CUL2: variants seen among roughly 807,000 people sequenced by gnomAD.
The protein encoded by CUL2 is cullin 2.
Under a neutral mutation model 110.2 loss-of-function variants are expected in CUL2, and 22 were observed. The ratio of observed to expected loss-of-function variants is 0.20; its 90% CI spans 0.14 to 0.28. CUL2 has a LOEUF of 0.28. CUL2 is among the 10% of genes least tolerant of loss of function. The pLI, the probability that CUL2 is intolerant of heterozygous loss-of-function variation, is 1.00. For missense variants in CUL2, 631 were observed against 905.5 expected, an observed-to-expected ratio of 0.70 and a Z score of 3.89; for synonymous variants, 279 against 293.2, an observed-to-expected ratio of 0.95 and a Z score of 0.49.
At chr10:35,100,111 C>T (rs2087357359) in intron 2 of CUL2, among the ~76,000 whole-genome samples, 1 of 151,620 alleles carries the variant, frequency 6.6e-6, no homozygotes, top group African/African-American at 2.4e-5. Context: ...CGGTCTTGTA[C>T]AGTCATTTAA....
upstream of CUL2, among the ~76,000 whole-genome samples, chr10:35,095,569 A>G (rs2135095901): frequency 6.6e-6 from 1 of 152,126 alleles, no homozygotes. Context: ...GTGTGTATAT[A>G]TATTTTTGAG....
intron 1 of CUL2, among the ~76,000 whole-genome samples, chr10:35,113,498 C>CAAAAAAAAAAAAAAA (rs59518617): frequency 3.0e-5 from 1 of 33,308 alleles, no homozygotes; most frequent in African/African-American, 1.0e-4. Flanking sequence ...GACTCTGCCT[C>CAAAAAAAAAAAAAAA]AAAAAAAAAA....
Position 35,029,612 on chromosome 10 carries a change from T to C in CUL2, c.1415A>G (p.Lys472Arg). The change falls in exon 15 of 21, where the codon AAG (lysine) becomes AGG (arginine). Residue 472 changes from lysine (K) to arginine (R), a missense_variant. Around this residue, in one of 3 missense-constraint regions of CUL2, gnomAD observed 134 missense variants for 260.4 expected, o/e 0.51. Coordinates refer to ENST00000374749, the MANE Select transcript of CUL2 (RefSeq NM_003591.4). Reference sequence around the variant, plus strand: ...CATATCTGTATACATCCGATGTAGCTTGCTGGTAAACTCATAACCACAGGC... The same window carrying C: ...CATATCTGTATACATCCGATGTAGCCTGCTGGTAAACTCATAACCACAGGC... ...KQACGYEFTSKLHRMYTDMSV... is the reference protein window; with the variant it reads ...KQACGYEFTSRLHRMYTDMSV... 2 of 1,592,012 alleles carry C rather than the reference T, an allele frequency of 1.3e-6. No homozygotes were observed. Among genetic ancestry groups the C allele is most frequent in the South Asian group, 1.2e-5 (1 of 86,126 alleles).
At chr10:35,054,938 C>T (rs554844037) in intron 4 of CUL2, among the ~76,000 whole-genome samples, 1 of 152,194 alleles carries the variant, frequency 6.6e-6, no homozygotes, top group Non-Finnish European at 1.5e-5. Context: ...TGCAATTTTT[C>T]ATTTTTAAAC....
intron 1 of CUL2, among the ~76,000 whole-genome samples, chr10:35,081,279 A>G (rs1275391344): frequency 1.3e-5 from 2 of 151,786 alleles, no homozygotes; most frequent in African/African-American, 2.4e-5. Flanking sequence ...AGAATAAAAG[A>G]CCCCTCTCTG....
chr10:35,040,197 ATAATT>A (rs1202397494), intron 8 of CUL2, among the ~76,000 whole-genome samples: 1 of 152,204 alleles, frequency 6.6e-6, no homozygotes, highest in East Asian at 1.9e-4. Context: ...GAAAGTAAAT[ATAATT>A]TAGTCATAGT....
At chr10:35,091,793 TG>T (rs2087210100), upstream of CUL2, among the ~76,000 whole-genome samples, 1 of 148,990 alleles carries the variant, frequency 6.7e-6, no homozygotes, top group Non-Finnish European at 1.5e-5. Flanking sequence ...GCTAATTTTT[TG>T]TATTTTGTAG....
chr10:35,019,747 T>A (rs1437844480), intron 17 of CUL2, among the ~76,000 whole-genome samples: 2 of 152,226 alleles, frequency 1.3e-5, no homozygotes, highest in African/African-American at 4.8e-5. Flanking sequence ...AGTATCTGTG[T>A]CAGCTCTCTA....
chr10:35,037,817 T>G (rs1423017630), intron 9 of CUL2, among the ~76,000 whole-genome samples: 1 of 152,080 alleles, frequency 6.6e-6, no homozygotes, highest in Non-Finnish European at 1.5e-5. Flanking sequence ...CATTATAGCC[T>G]GGGCCACAGA....
chr10:35,020,573 T>C (rs1259007553), intron 17 of CUL2, among the ~76,000 whole-genome samples: 1 of 152,232 alleles, frequency 6.6e-6, no homozygotes, highest in East Asian at 1.9e-4. Flanking sequence ...GCCTGATCCA[T>C]ACTATGTACT....
At chr10:35,022,214 AAAG>A (rs1228785768) in intron 17 of CUL2, among the ~76,000 whole-genome samples, 2 of 152,176 alleles carry the variant, frequency 1.3e-5, no homozygotes, top group Non-Finnish European at 2.9e-5. Flanking sequence ...TTACAACAAT[AAAG>A]AGAAGGAAAC....
intron 1 of CUL2, among the ~76,000 whole-genome samples, chr10:35,116,336 C>G (rs1371596759): frequency 6.6e-6 from 1 of 151,630 alleles, no homozygotes. Flanking sequence ...CGGAGCCAGA[C>G]TCCATCTCAA....
At chr10:35,070,703 C>G (rs552198238) in intron 2 of CUL2, among the ~76,000 whole-genome samples, 4 of 152,172 alleles carry the variant, frequency 2.6e-5, no homozygotes, top group African/African-American at 9.7e-5. Context: ...ACTCTTCCCC[C>G]CAAAATCACA....
intron 4 of CUL2, among the ~76,000 whole-genome samples, chr10:35,055,730 A>AAG (rs1337609788): frequency 6.6e-6 from 1 of 151,288 alleles, no homozygotes; most frequent in Non-Finnish European, 1.5e-5. Context: ...CATAAGTTAC[A>AAG]AGATCATACT....
chr10:35,086,121 C>T (rs575502891), intron 1 of CUL2, among the ~76,000 whole-genome samples: 1 of 152,026 alleles, frequency 6.6e-6, no homozygotes, highest in African/African-American at 2.4e-5. Context: ...GTAGTCCCAG[C>T]TCGGGAAGTG....
rs760176822 is a variant in CUL2 at position 35,044,561 on chromosome 10, C to A, written c.714+5G>T. 3 of 1,546,174 alleles carry A rather than the reference C, an allele frequency of 1.9e-6. No homozygotes were observed. Among genetic ancestry groups the A allele is most frequent in the Non-Finnish European group, 2.7e-6 (3 of 1,131,660 alleles). On this transcript the variant is annotated splice_donor_5th_base_variant and intron_variant, in intron 8 of 20. Transcript: ENST00000374749. ...TAAATGTATTCGATATGTTTTATTTCTTACCTTTTCCATATACTGTGAGCA... is the reference window on the plus strand; with the variant it reads ...TAAATGTATTCGATATGTTTTATTTATTACCTTTTCCATATACTGTGAGCA...
intron 8 of CUL2, among the ~76,000 whole-genome samples, chr10:35,043,958 C>T (rs766354036): frequency 6.8e-6 from 1 of 146,964 alleles, no homozygotes; most frequent in Non-Finnish European, 1.5e-5. Context: ...GTCCCAGCTA[C>T]TTCGTAGGCT....
At chr10:35,125,454 ATTG>A (rs1258234669) in intron 1 of CUL2, among the ~76,000 whole-genome samples, 1 of 152,226 alleles carries the variant, frequency 6.6e-6, no homozygotes, top group African/African-American at 2.4e-5. Context: ...TACAGAGACA[ATTG>A]TTGTGGATAC....
At chr10:35,048,799 A>T (rs1359494618) in intron 6 of CUL2, among the ~76,000 whole-genome samples, 1 of 152,236 alleles carries the variant, frequency 6.6e-6, no homozygotes, top group African/African-American at 2.4e-5. Context: ...TCAAAAATTT[A>T]AAAATATTCT....
Sources: gnomAD v4.1 joint callset for allele counts (sites outside exome capture counted in the v4.1 genomes callset) on GRCh38, gnomAD v4.1.1 for gene constraint, gnomAD v4.1.1 regional missense constraint, MANE v1.5 for transcripts, NCBI Gene and HGNC (gene_info 2026-07-23, HGNC 2026-07-21) for gene names.